The following SEM1 variants were observed in gnomAD, a reference collection of about 807,000 sequenced individuals.
SEM1 encodes 26S proteasome complex subunit SEM1.
A neutral mutation model predicts 12.7 loss-of-function variants in SEM1; 3 were observed. That is an observed-to-expected ratio of 0.24 (90% CI 0.11 to 0.61). SEM1 has a LOEUF of 0.61. Ranked by LOEUF, SEM1 falls within the 20% of genes least tolerant of loss-of-function variation. The pLI is 0.88. For synonymous variants in SEM1, 30 were observed against 27.8 expected, an observed-to-expected ratio of 1.08 and a Z score of -0.25; for missense variants, 59 against 81.3, an observed-to-expected ratio of 0.73 and a Z score of 1.06.
At chr7:96,658,966 G>C (rs1212348076) in intron 2 of SEM1, among the ~76,000 whole-genome samples, 1 of 152,034 alleles carries the variant, frequency 6.6e-6, no homozygotes, top group African/African-American at 2.4e-5. Context: ...ATGCACAAAG[G>C]TACCATATGA....
chr7:96,631,467 G>A (rs189865501), intron 2 of SEM1, among the ~76,000 whole-genome samples: 119 of 152,164 alleles, frequency 7.8e-4, no homozygotes, highest in African/African-American at 2.7e-3. Flanking sequence ...AAAGCTCTCT[G>A]CACCATGCCA....
intron 2 of SEM1, among the ~76,000 whole-genome samples, chr7:96,575,271 G>T (rs910970240): frequency 6.6e-6 from 1 of 152,172 alleles, no homozygotes; most frequent in African/African-American, 2.4e-5. Context: ...TCCAGACCCT[G>T]TTTTCCTGGG....
chr7:96,689,963 C>T lies in SEM1; in HGVS notation c.171-997G>A, dbSNP rs139684416. 1.2e-4 allele frequency among the ~76,000 whole-genome samples: 18 copies of T among 152,158 alleles called. No homozygotes were observed. The East Asian group carries it at 2.1e-3, about 18-fold the overall frequency. ...CCCTTCATTTATAACAACTTATCTC[C>T]ATTGTTTTGAGAGCTAAATGAGAGA... On this transcript the variant is annotated intron_variant, in intron 2 of 2. Coordinates refer to ENST00000248566, the MANE Select transcript of SEM1 (RefSeq NM_006304.2).
At chr7:96,561,753 G>A (rs190581792) in intron 2 of SEM1, among the ~76,000 whole-genome samples, 8 of 152,304 alleles carry the variant, frequency 5.3e-5, no homozygotes, top group South Asian at 2.1e-4. Context: ...TTAAAGATGC[G>A]TTATAGATGG....
At chr7:96,551,986 G>A (rs1805293503) in intron 2 of SEM1, among the ~76,000 whole-genome samples, 1 of 152,184 alleles carries the variant, frequency 6.6e-6, no homozygotes, top group African/African-American at 2.4e-5. Flanking sequence ...TGTTATGGCA[G>A]TCACAAGAAG....
intron 2 of SEM1, among the ~76,000 whole-genome samples, chr7:96,590,226 A>G (rs1806786007): frequency 6.6e-6 from 1 of 152,188 alleles, no homozygotes; most frequent in Non-Finnish European, 1.5e-5. Flanking sequence ...CAGAGTGCCT[A>G]CTTAAATTTG....
intron 2 of SEM1, among the ~76,000 whole-genome samples, chr7:96,614,783 T>C (rs2116253675): frequency 6.6e-6 from 1 of 152,362 alleles, no homozygotes; most frequent in African/African-American, 2.4e-5. Flanking sequence ...ATTCCATTTC[T>C]GGTCCACAGA....
chr7:96,643,851 T>C (rs1808701175), intron 2 of SEM1, among the ~76,000 whole-genome samples: 1 of 152,096 alleles, frequency 6.6e-6, no homozygotes, highest in Non-Finnish European at 1.5e-5. Flanking sequence ...TAGTTATCTT[T>C]AAGTAAGATA....
chr7:96,634,847 G>A (rs1442063844), intron 2 of SEM1, among the ~76,000 whole-genome samples: 1 of 151,870 alleles, frequency 6.6e-6, no homozygotes, highest in Non-Finnish European at 1.5e-5. Context: ...GATTTTGTAG[G>A]ACTTTGTACC....
chr7:96,705,177 T>G (rs1333518559), intron 1 of SEM1, among the ~76,000 whole-genome samples: 3 of 152,146 alleles, frequency 2.0e-5, no homozygotes, highest in African/African-American at 7.2e-5. Flanking sequence ...CAGAAATTTC[T>G]CCAGGGGCCA....
intron 2 of SEM1, among the ~76,000 whole-genome samples, chr7:96,615,241 C>CTTTTTTTTTTTTATTTTTTTTTTTTT (rs1807676514): frequency 7.9e-6 from 1 of 126,414 alleles, no homozygotes; most frequent in African/African-American, 3.2e-5. Context: ...TTTGAGTCAT[C>CTTTTTTTTTTTTATTTTTTTTTTTTT]TTTTTTTTTT....
At chr7:96,582,426 A>C (rs998727029) in intron 2 of SEM1, among the ~76,000 whole-genome samples, 5 of 150,364 alleles carry the variant, frequency 3.3e-5, no homozygotes, top group African/African-American at 9.8e-5. Context: ...TATTGGTCTA[A>C]AATTCTCTTT....
intron 2 of SEM1, among the ~76,000 whole-genome samples, chr7:96,646,497 C>A (rs73228327): frequency 0.11 from 17,415 of 152,118 alleles, 1,591 homozygotes; most frequent in African/African-American, 0.24. Flanking sequence ...TATATATTGT[C>A]TTGAGTTTTT....
intron 2 of SEM1, among the ~76,000 whole-genome samples, chr7:96,594,411 A>G (rs1806932931): frequency 8.6e-6 from 1 of 115,842 alleles, no homozygotes; most frequent in Admixed American, 8.6e-5. Context: ...CCCCACCATT[A>G]AAAAAAAATT....
intron 2 of SEM1, among the ~76,000 whole-genome samples, chr7:96,556,574 G>T (rs958439137): frequency 4.0e-5 from 6 of 151,656 alleles, no homozygotes; most frequent in African/African-American, 1.5e-4. Flanking sequence ...TTAGTCTGAT[G>T]GGCTTCCCTT....
chr7:96,534,473 A>T (rs1192018210), intron 2 of SEM1, among the ~76,000 whole-genome samples: 12 of 152,080 alleles, frequency 7.9e-5, no homozygotes, highest in Non-Finnish European at 1.8e-4. Context: ...CATGGGTAAA[A>T]GGTCCATTCG....
Position 96,709,841 on chromosome 7 carries a change from G to T in SEM1, c.-78C>A. 2 of 1,333,824 alleles carry T rather than the reference G, an allele frequency of 1.5e-6. No individual in the cohort carries two copies. The highest frequency in any genetic ancestry group is 2.1e-6 in the Non-Finnish European group (2 of 930,914). The allele number at this position is 1,333,824 out of a possible 1,614,324, so 82.6% of individuals were successfully genotyped here. ...CACTCTTCCTCAAGGAAACGCCACC[G>T]TCACTACCGCCTCCGACGCTGACGC... is the stretch of plus-strand genomic sequence containing the variant. On this transcript the variant is annotated 5_prime_UTR_variant, in exon 1 of 3. Coordinates refer to ENST00000248566, the MANE Select transcript of SEM1 (RefSeq NM_006304.2).
intron 2 of SEM1, among the ~76,000 whole-genome samples, chr7:96,535,710 A>G (rs1297725072): frequency 6.6e-6 from 1 of 151,756 alleles, no homozygotes; most frequent in Non-Finnish European, 1.5e-5. Flanking sequence ...AACATGTGGT[A>G]TTCGGTTTTC....
chr7:96,612,174 G>A (rs1807560136), intron 2 of SEM1, among the ~76,000 whole-genome samples: 1 of 152,192 alleles, frequency 6.6e-6, no homozygotes, highest in African/African-American at 2.4e-5. Context: ...CTGTGATGTA[G>A]ACAGGGCACA....
Sources: gnomAD v4.1 joint callset for allele counts (sites outside exome capture counted in the v4.1 genomes callset) on GRCh38, gnomAD v4.1.1 for gene constraint, MANE v1.5 for transcripts, NCBI Gene and HGNC (gene_info 2026-07-23, HGNC 2026-07-21) for gene names.